The following PLA2G4A variants were observed in gnomAD, a reference collection of about 807,000 sequenced individuals.
PLA2G4A encodes the protein cytosolic phospholipase A2.
PLA2G4A carries 40 observed loss-of-function variants against 81.9 expected under a neutral mutation model. That is an observed-to-expected ratio of 0.49 (90% CI 0.38 to 0.64). PLA2G4A has a LOEUF of 0.64. PLA2G4A is among the 30% of genes least tolerant of loss of function. The probability of loss-of-function intolerance (pLI) is 0.00; values close to 1 mark genes in which losing one functional copy is unlikely to be tolerated. For missense variants in PLA2G4A, 715 were observed against 905.1 expected (o/e 0.79, Z 2.69); for synonymous variants, 302 against 296.9 (o/e 1.02, Z -0.18).
chr1:186,913,701 C>T (rs567923730), intron 7 of PLA2G4A, among the ~76,000 whole-genome samples: 4 of 152,108 alleles, frequency 2.6e-5, no homozygotes, highest in East Asian at 1.9e-4. Context: ...AATTATTTCT[C>T]GTAGGAATTA....
Position 186,938,988 on chromosome 1 carries a change from G to A in PLA2G4A, c.696-20G>A, listed in dbSNP as rs28395829. The A allele has an allele frequency of 1.3e-4, 152 of 1,204,210 alleles. No individual in the cohort carries two copies. The East Asian group carries it at 3.0e-3, about 24-fold the overall frequency. The allele number at this position is 1,204,210 out of a possible 1,614,324, so 74.6% of individuals were successfully genotyped here. A position where few individuals can be genotyped will look rare whatever the true frequency, so the allele number is the denominator to read the frequency against. On this transcript the variant is annotated intron_variant, in intron 8 of 17. Transcript: ENST00000367466. Reference sequence around the variant, plus strand: ...GTAATGCTCTTTATCTTTACTGATTGTGTTTTGTTTTCTGTATAGGTATAT... The same window carrying A: ...GTAATGCTCTTTATCTTTACTGATTATGTTTTGTTTTCTGTATAGGTATAT...
intron 3 of PLA2G4A, among the ~76,000 whole-genome samples, chr1:186,889,121 T>A (rs1263634885): frequency 6.6e-6 from 1 of 152,210 alleles, no homozygotes; most frequent in Non-Finnish European, 1.5e-5. Context: ...CTATGACATG[T>A]TCTCTTCTTC....
At chr1:186,925,590 C>A (rs1655518479) in intron 7 of PLA2G4A, among the ~76,000 whole-genome samples, 1 of 152,162 alleles carries the variant, frequency 6.6e-6, no homozygotes, top group South Asian at 2.1e-4. Context: ...TTCCCCTATA[C>A]AATCCCTGTC....
intron 6 of PLA2G4A, among the ~76,000 whole-genome samples, chr1:186,909,921 T>A (rs1654883137): frequency 6.6e-6 from 1 of 152,176 alleles, no homozygotes; most frequent in Non-Finnish European, 1.5e-5. Context: ...ATTTGAATAC[T>A]GCTTAATTGC....
intron 10 of PLA2G4A, 90 bp from the exon 11 acceptor site, chr1:186,946,547 C>A: frequency 1.1e-6 from 1 of 902,108 alleles, no homozygotes; most frequent in Non-Finnish European, 1.9e-6. Flanking sequence ...TGAGAATAAG[C>A]ATAACATTAT....
intron 3 of PLA2G4A, among the ~76,000 whole-genome samples, chr1:186,885,120 C>T (rs1653887031): frequency 6.6e-6 from 1 of 152,078 alleles, no homozygotes. Flanking sequence ...AAGCCAAGTT[C>T]CTTGAGAGAA....
At chr1:186,890,459 G>T (rs1654094328) in intron 3 of PLA2G4A, among the ~76,000 whole-genome samples, 2 of 152,156 alleles carry the variant, frequency 1.3e-5, no homozygotes, top group African/African-American at 2.4e-5. Context: ...TATATGTAAT[G>T]GGAGGAAATT....
At chr1:186,952,198 G>T (rs1656584561) in intron 13 of PLA2G4A, among the ~76,000 whole-genome samples, 1 of 152,024 alleles carries the variant, frequency 6.6e-6, no homozygotes, top group Admixed American at 6.6e-5. Context: ...CAGAATAATG[G>T]TTTCTCCATT....
intron 5 of PLA2G4A, among the ~76,000 whole-genome samples, chr1:186,902,232 G>A (rs1654566450): frequency 6.6e-6 from 1 of 152,016 alleles, no homozygotes; most frequent in East Asian, 1.9e-4. Context: ...TAATCTTATG[G>A]GGACCACTAT....
intron 1 of PLA2G4A, among the ~76,000 whole-genome samples, chr1:186,842,096 G>A (rs2102008487): frequency 1.3e-5 from 2 of 149,486 alleles, no homozygotes; most frequent in African/African-American, 4.9e-5. Context: ...AAGCTGAAGG[G>A]CAGTGGCGTG....
intron 14 of PLA2G4A, among the ~76,000 whole-genome samples, chr1:186,962,813 G>A (rs906812527): frequency 1.1e-4 from 10 of 91,222 alleles, no homozygotes; most frequent in African/African-American, 3.2e-4. Flanking sequence ...GAGCCACTGC[G>A]CCCGGTCACT....
intron 6 of PLA2G4A, among the ~76,000 whole-genome samples, chr1:186,907,333 G>A (rs797012701): frequency 6.6e-5 from 10 of 152,100 alleles, no homozygotes; most frequent in African/African-American, 2.2e-4. Flanking sequence ...TTATTTAAGC[G>A]CCTCTTCTAT....
intron 2 of PLA2G4A, among the ~76,000 whole-genome samples, chr1:186,869,810 T>G (rs975968565): frequency 1.1e-4 from 16 of 152,214 alleles, no homozygotes; most frequent in African/African-American, 3.6e-4. Context: ...TAGAATTGTT[T>G]GATAACTGTT....
At chr1:186,880,727 C>A (rs771992250) in intron 3 of PLA2G4A, among the ~76,000 whole-genome samples, 1 of 151,856 alleles carries the variant, frequency 6.6e-6, no homozygotes. Flanking sequence ...TGTTTTATCA[C>A]GGTATATAAG....
At chr1:186,945,457 G>A (rs919115060) in intron 10 of PLA2G4A, among the ~76,000 whole-genome samples, 4 of 152,128 alleles carry the variant, frequency 2.6e-5, no homozygotes, top group African/African-American at 9.7e-5. Flanking sequence ...CTGGCTATGG[G>A]ATATCAAAAA....
intron 17 of PLA2G4A, among the ~76,000 whole-genome samples, chr1:186,986,790 G>C (rs1657904286): frequency 6.6e-6 from 1 of 152,148 alleles, no homozygotes; most frequent in African/African-American, 2.4e-5. Flanking sequence ...CTCAAGTATT[G>C]ACACTAATTG....
intron 10 of PLA2G4A, among the ~76,000 whole-genome samples, chr1:186,945,473 T>G (rs763131236): frequency 3.3e-5 from 5 of 152,110 alleles, no homozygotes; most frequent in Non-Finnish European, 7.4e-5. Flanking sequence ...AAAAAGATAA[T>G]AAGTGAACAG....
Position 186,939,174 on chromosome 1 carries a change from C to T in PLA2G4A, c.862C>T (p.Pro288Ser). ...ATGGAAGAAGAAAAGCTCTGGACAA[C>T]CTGTCACCTTTACTGATATCTTTGG... Reference protein sequence around the residue: ...SLWKKKSSGQPVTFTDIFGML... With the variant: ...SLWKKKSSGQSVTFTDIFGML... Residue 288 changes from proline to serine, a missense_variant, in exon 9 of 18, where the codon CCT becomes TCT. Transcript: ENST00000367466. The T allele has an allele frequency of 6.2e-7, 1 of 1,609,088 alleles. No homozygotes were observed. Among genetic ancestry groups the T allele is most frequent in the Non-Finnish European group, 8.5e-7 (1 of 1,175,700 alleles).
At chr1:186,854,194 C>G in intron 1 of PLA2G4A, 92 bp from the exon 2 acceptor site, 1 of 592,942 alleles carries the variant, frequency 1.7e-6, no homozygotes, top group Non-Finnish European at 3.0e-6. Context: ...CTTGGGTAGA[C>G]TTTTTCTTCC....
Sources: allele counts gnomAD v4.1 joint callset (sites outside exome capture counted in the v4.1 genomes callset), GRCh38; gene constraint gnomAD v4.1.1; transcripts MANE v1.5; gene names NCBI Gene and HGNC (gene_info 2026-07-23, HGNC 2026-07-21).